Variants in SPTLC3 observed in about 807,000 individuals in gnomAD.
SPTLC3 encodes the protein serine palmitoyltransferase long chain base subunit 3, also known as serine palmitoyltransferase 3.
Under a neutral mutation model 59.3 loss-of-function variants are expected in SPTLC3, and 36 were observed. That is an observed-to-expected ratio of 0.61 (90% CI 0.47 to 0.80). SPTLC3 has a LOEUF of 0.80. Ranked by LOEUF, SPTLC3 falls within the 30% of genes least tolerant of loss-of-function variation. The pLI, the probability that SPTLC3 is intolerant of heterozygous loss-of-function variation, is 0.00. For synonymous variants in SPTLC3, 257 were observed against 240.8 expected (o/e 1.07, Z -0.62); for missense variants, 625 against 685.1 (o/e 0.91, Z 0.98).
intron 1 of SPTLC3, among the ~76,000 whole-genome samples, chr20:13,048,074 A>G (rs1044718302): frequency 1.3e-5 from 2 of 152,218 alleles, no homozygotes; most frequent in Admixed American, 1.3e-4. Context: ...AGATCAAAAA[A>G]GACAAAGAAG....
intron 4 of SPTLC3, 113 bp downstream of exon 4, chr20:13,074,610 C>A (rs6131426): frequency 0.29 from 350,359 of 1,220,362 alleles, 50,708 homozygotes; most frequent in Middle Eastern, 0.35. Context: ...GTGTTATAAA[C>A]TGCAGAAAGA....
rs570261574 is a variant in SPTLC3, at chr20:13,073,086, T to C, written c.458+676T>C. ...ATCATTTAAATTATTTTCTTCTAGC[T>C]ATTTTGAAATAGACCATACATTATT... On this transcript the variant is annotated intron_variant, in intron 3 of 11. Transcript: ENST00000399002. Among the ~76,000 whole-genome samples the C allele has an allele frequency of 5.3e-5, 8 of 152,354 alleles. No individual in the cohort carries two copies. In the South Asian group the frequency reaches 1.7e-3, roughly 32 times the overall value.
At chr20:13,043,473 G>C (rs946438998) in intron 1 of SPTLC3, among the ~76,000 whole-genome samples, 7 of 152,158 alleles carry the variant, frequency 4.6e-5, no homozygotes, top group African/African-American at 1.2e-4. Context: ...GCATTAAGTT[G>C]GTTTTAGATT....
intron 4 of SPTLC3, among the ~76,000 whole-genome samples, chr20:13,087,517 T>C (rs572767156): frequency 6.6e-6 from 1 of 152,324 alleles, no homozygotes; most frequent in South Asian, 2.1e-4. Flanking sequence ...GAATGGCCAT[T>C]TGATCTTCTT....
At chr20:13,012,747 A>G (rs1985321978) in intron 1 of SPTLC3, among the ~76,000 whole-genome samples, 1 of 152,222 alleles carries the variant, frequency 6.6e-6, no homozygotes, top group Admixed American at 6.5e-5. Context: ...GAACTTCTGA[A>G]GAATCACAAT....
intron 7 of SPTLC3, among the ~76,000 whole-genome samples, chr20:13,112,875 C>A (rs1359104166): frequency 6.6e-6 from 1 of 152,152 alleles, no homozygotes; most frequent in South Asian, 2.1e-4. Context: ...TTCTAATTTG[C>A]AACTATCACC....
intron 11 of SPTLC3, among the ~76,000 whole-genome samples, chr20:13,162,479 T>A (rs2038912476): frequency 6.6e-6 from 1 of 152,146 alleles, no homozygotes; most frequent in Admixed American, 6.5e-5. Flanking sequence ...TTTGAGCAGT[T>A]CCTTAATGTA....
At chr20:13,105,388 C>A (rs541961336) in intron 6 of SPTLC3, among the ~76,000 whole-genome samples, 2 of 152,288 alleles carry the variant, frequency 1.3e-5, no homozygotes, top group African/African-American at 4.8e-5. Context: ...TCAAACACAA[C>A]GAAGTCCCTG....
chr20:13,095,893 CTATT>C (rs945676618), intron 6 of SPTLC3, among the ~76,000 whole-genome samples: 6 of 152,058 alleles, frequency 3.9e-5, no homozygotes, highest in African/African-American at 1.2e-4. Flanking sequence ...TGTTTATTAT[CTATT>C]CTGATTCAGG....
intron 2 of SPTLC3, among the ~76,000 whole-genome samples, chr20:13,064,010 C>A (rs1024107174): frequency 2.0e-5 from 3 of 150,150 alleles, no homozygotes; most frequent in Non-Finnish European, 4.4e-5. Context: ...TTAAATAGTT[C>A]TTTTCTTTTC....
At chr20:13,031,529 C>T (rs766875192) in intron 1 of SPTLC3, among the ~76,000 whole-genome samples, 3 of 152,118 alleles carry the variant, frequency 2.0e-5, no homozygotes, top group Admixed American at 2.0e-4. Context: ...TATCAAACTC[C>T]TTGTCTCCTT....
At chr20:13,113,390 C>A (rs575302150) in intron 7 of SPTLC3, among the ~76,000 whole-genome samples, 3 of 152,168 alleles carry the variant, frequency 2.0e-5, no homozygotes, top group Admixed American at 2.0e-4. Context: ...GTAAAGCACC[C>A]CCACATACAT....
chr20:13,064,154 C>G (rs1336059250), intron 2 of SPTLC3, among the ~76,000 whole-genome samples: 2 of 150,570 alleles, frequency 1.3e-5, no homozygotes, highest in Admixed American at 1.3e-4. Context: ...CTCAGCCTTC[C>G]GAGTAGCTGG....
chr20:13,124,202 G>C (rs952923968), intron 8 of SPTLC3, among the ~76,000 whole-genome samples: 3 of 152,098 alleles, frequency 2.0e-5, no homozygotes, highest in African/African-American at 7.2e-5. Context: ...ATGGATGCCA[G>C]GGACTAGCCT....
At position 13,049,056 on chromosome 20, in the gene SPTLC3, G is replaced by C; in HGVS notation, c.229G>C (p.Gly77Arg). ...GGGATATGGAATTGGAACCCTGTTTGGCTATCTCAGAGACTTTTTAAGAAA... is the reference window on the plus strand; with the variant it reads ...GGGATATGGAATTGGAACCCTGTTTCGCTATCTCAGAGACTTTTTAAGAAA... ...YMGYGIGTLFGYLRDFLRNWG... is the reference protein window; with the variant it reads ...YMGYGIGTLFRYLRDFLRNWG... Residue 77 changes from glycine (G) to arginine (R), a missense_variant, in exon 2 of 12, where the codon GGC (glycine) becomes CGC (arginine). Physicochemically the swap from Gly to Arg is moderately radical, Grantham distance 125. Transcript: ENST00000399002. 1.9e-6 allele frequency: 3 copies of C among 1,613,812 alleles called. No homozygotes were observed. The highest frequency in any genetic ancestry group is 2.5e-6 in the Non-Finnish European group (3 of 1,179,852).
chr20:13,117,438 A>G lies in SPTLC3; in HGVS notation c.933-68A>G. 2.1e-6 allele frequency: 3 copies of G among 1,416,374 alleles called. No homozygotes were observed. The South Asian group carries it at 4.2e-5, about 20-fold the overall frequency. The allele number at this position is 1,416,374 out of a possible 1,614,324, so 87.7% of individuals were successfully genotyped here. A position where few individuals can be genotyped will look rare whatever the true frequency, so the allele number is the denominator to read the frequency against. On this transcript the variant is annotated intron_variant, in intron 7 of 11. Coordinates refer to ENST00000399002, the MANE Select transcript of SPTLC3 (RefSeq NM_018327.4). ...AGGGAAGACTGTCTAGGATGTATTGATGGGGAAACTGACAGAGCTTCCCAG... is the reference window on the plus strand; with the variant it reads ...AGGGAAGACTGTCTAGGATGTATTGGTGGGGAAACTGACAGAGCTTCCCAG...
chr20:13,066,863 A>G (rs1360136527), intron 2 of SPTLC3, among the ~76,000 whole-genome samples: 1 of 151,388 alleles, frequency 6.6e-6, no homozygotes, highest in Non-Finnish European at 1.5e-5. Context: ...TGCCCTATAT[A>G]TATCTCTTGA....
chr20:13,072,084 G>C (rs943377287), intron 2 of SPTLC3, among the ~76,000 whole-genome samples, 172 bp from the exon 3 acceptor site: 12 of 152,048 alleles, frequency 7.9e-5, no homozygotes, highest in Non-Finnish European at 1.3e-4. Context: ...CCACTAAAAG[G>C]CATGTTCTTT....
chr20:13,066,857 C>CTA (rs977259266), intron 2 of SPTLC3, among the ~76,000 whole-genome samples: 1 of 151,346 alleles, frequency 6.6e-6, no homozygotes, highest in Non-Finnish European at 1.5e-5. Flanking sequence ...TGAATCTGCC[C>CTA]TATATATATC....
Sources: allele counts gnomAD v4.1 joint callset (sites outside exome capture counted in the v4.1 genomes callset), GRCh38; gene constraint gnomAD v4.1.1; transcripts MANE v1.5; gene names NCBI Gene and HGNC (gene_info 2026-07-23, HGNC 2026-07-21).